SORCS3: variants seen among roughly 807,000 people sequenced by gnomAD.
SORCS3 encodes sortilin related VPS10 domain containing receptor 3, also known as VPS10 domain-containing receptor SorCS3.
In SORCS3, 57 loss-of-function variants were observed where a neutral mutation model predicts 146.3. The ratio of observed to expected loss-of-function variants is 0.39; its 90% CI spans 0.31 to 0.49. The LOEUF (loss-of-function observed/expected upper bound fraction) is 0.49, where lower values mean the gene tolerates loss of function less well. Ranked by LOEUF, SORCS3 falls within the 20% of genes least tolerant of loss-of-function variation. SORCS3 has a pLI of 0.92. For missense variants in SORCS3, 1,341 were observed against 1,575.5 expected (o/e 0.85, Z 2.52); for synonymous variants, 653 against 618.5 (o/e 1.06, Z -0.83).
At chr10:105,245,017 C>A (rs977136921) in intron 20 of SORCS3, among the ~76,000 whole-genome samples, 1 of 144,766 alleles carries the variant, frequency 6.9e-6, no homozygotes, top group Non-Finnish European at 1.5e-5. Context: ...TGCAGTGAGC[C>A]GAGATCGCAT....
chr10:104,860,757 A>G (rs2018392322), intron 2 of SORCS3, among the ~76,000 whole-genome samples: 1 of 152,106 alleles, frequency 6.6e-6, no homozygotes, highest in African/African-American at 2.4e-5. Flanking sequence ...ACAGCTGAAA[A>G]ACCTGAGGGG....
chr10:104,797,467 G>C (rs1000229987), intron 1 of SORCS3, among the ~76,000 whole-genome samples: 2 of 151,928 alleles, frequency 1.3e-5, no homozygotes, highest in African/African-American at 4.8e-5. Context: ...TTGCTGCTTG[G>C]AGAGTAGCAA....
chr10:104,678,188 A>C (rs77003712), intron 1 of SORCS3, among the ~76,000 whole-genome samples: 2 of 131,962 alleles, frequency 1.5e-5, no homozygotes, highest in East Asian at 3.9e-4. Flanking sequence ...CACATGGAAG[A>C]CATCTTTAGG....
chr10:105,218,939 T>G (rs1489028849), intron 19 of SORCS3, among the ~76,000 whole-genome samples: 2 of 152,018 alleles, frequency 1.3e-5, no homozygotes, highest in Admixed American at 1.3e-4. Context: ...CGCTTGAACC[T>G]GGGAGGCGGA....
intron 7 of SORCS3, among the ~76,000 whole-genome samples, chr10:105,113,188 C>G (rs1243844921): frequency 6.6e-6 from 1 of 152,148 alleles, no homozygotes; most frequent in African/African-American, 2.4e-5. Context: ...TTTTGCAGCC[C>G]TGTTGGCTGC....
intron 4 of SORCS3, among the ~76,000 whole-genome samples, chr10:105,016,784 T>C (rs1195590697): frequency 6.6e-6 from 1 of 152,102 alleles, no homozygotes; most frequent in Non-Finnish European, 1.5e-5. Context: ...CTGGCAGAGG[T>C]TGCATTATCT....
chr10:105,237,425 G>C (rs946475116), intron 20 of SORCS3, among the ~76,000 whole-genome samples: 4 of 152,194 alleles, frequency 2.6e-5, no homozygotes, highest in Admixed American at 2.6e-4. Flanking sequence ...AGTCACTGTT[G>C]TGCCCATCAT....
At chr10:104,800,791 TA>T (rs765216975) in intron 1 of SORCS3, among the ~76,000 whole-genome samples, 8 of 152,204 alleles carry the variant, frequency 5.3e-5, no homozygotes, top group Non-Finnish European at 7.3e-5. Context: ...CCAGGATTCC[TA>T]AACACATGGA....
intron 5 of SORCS3, among the ~76,000 whole-genome samples, chr10:105,089,184 G>T (rs1251640075): frequency 6.6e-6 from 1 of 152,288 alleles, no homozygotes; most frequent in East Asian, 1.9e-4. Context: ...CTCACCAGGA[G>T]AATTTTGTCC....
intron 4 of SORCS3, among the ~76,000 whole-genome samples, chr10:105,038,787 T>A (rs1233225740): frequency 6.6e-6 from 1 of 152,196 alleles, no homozygotes; most frequent in Non-Finnish European, 1.5e-5. Context: ...AAATTAATAA[T>A]GTCATGAGAA....
rs2016628517 is a variant in SORCS3 at position 104,726,094 on chromosome 10, G to A, written c.627+84140G>A. On this transcript the variant is annotated intron_variant, in intron 1 of 26. Coordinates refer to ENST00000369701, the MANE Select transcript of SORCS3 (RefSeq NM_014978.3). ...ACGCTGGGTGCTGTAGACTGGAGCTGTTCCTTTTCGGCCATCTTTGATCCA... is the reference window on the plus strand; with the variant it reads ...ACGCTGGGTGCTGTAGACTGGAGCTATTCCTTTTCGGCCATCTTTGATCCA... 2.6e-5 allele frequency among the ~76,000 whole-genome samples: 4 copies of A among 152,340 alleles called. No individual in the cohort carries two copies. The South Asian group carries it at 8.3e-4, about 32-fold the overall frequency.
Position 105,099,199 on chromosome 10 carries a change from A to G in SORCS3, c.1094-6198A>G, listed in dbSNP as rs192305209. Among the ~76,000 whole-genome samples, 245 of 152,330 alleles carry G rather than the reference A, an allele frequency of 1.6e-3. 1 individual carries two copies. The highest frequency in any genetic ancestry group is 0.014 in the Middle Eastern group (4 of 294). On this transcript the variant is annotated intron_variant, in intron 6 of 26. Transcript: ENST00000369701. ...TAAATAACTTTTTAGAGTTACCTTGAATCTGCTTGTTTTCACTTATTTTCA... is the reference window on the plus strand; with the variant it reads ...TAAATAACTTTTTAGAGTTACCTTGGATCTGCTTGTTTTCACTTATTTTCA...
At chr10:104,678,523 C>T (rs1266170958) in intron 1 of SORCS3, among the ~76,000 whole-genome samples, 1 of 152,142 alleles carries the variant, frequency 6.6e-6, no homozygotes, top group Non-Finnish European at 1.5e-5. Context: ...GTGAGTTAGA[C>T]TGGATGTGTC....
chr10:104,875,154 C>T (rs1483525286), intron 2 of SORCS3, among the ~76,000 whole-genome samples: 1 of 152,304 alleles, frequency 6.6e-6, no homozygotes, highest in Middle Eastern at 3.4e-3. Context: ...TCTACCTACT[C>T]ATTACTTTGC....
At chr10:105,249,617 C>A (rs999198098) in intron 22 of SORCS3, among the ~76,000 whole-genome samples, 5 of 152,122 alleles carry the variant, frequency 3.3e-5, no homozygotes, top group African/African-American at 4.8e-5. Context: ...AGCGGTGGCT[C>A]ATGCCTGTAA....
At chr10:105,099,904 T>C (rs2055771465) in intron 6 of SORCS3, among the ~76,000 whole-genome samples, 1 of 152,200 alleles carries the variant, frequency 6.6e-6, no homozygotes, top group Non-Finnish European at 1.5e-5. Context: ...GGCAAGAACC[T>C]GTCTGATGTT....
intron 16 of SORCS3, among the ~76,000 whole-genome samples, chr10:105,202,552 T>G (rs1057514798): frequency 3.9e-5 from 6 of 152,150 alleles, no homozygotes; most frequent in Admixed American, 3.9e-4. Context: ...TTTTATTATC[T>G]CCTTAGTATT....
chr10:104,902,453 C>G (rs897049572), intron 2 of SORCS3, among the ~76,000 whole-genome samples: 8 of 152,236 alleles, frequency 5.3e-5, no homozygotes, highest in African/African-American at 1.9e-4. Flanking sequence ...AGCCAAGGCC[C>G]TTGCAGGCTT....
At chr10:105,129,147 A>T (rs375668786) in intron 7 of SORCS3, among the ~76,000 whole-genome samples, 1 of 152,110 alleles carries the variant, frequency 6.6e-6, no homozygotes, top group Admixed American at 6.6e-5. Flanking sequence ...TAGTTTGAGT[A>T]TATTTCATTT....
Sources: gnomAD v4.1 joint callset for allele counts (sites outside exome capture counted in the v4.1 genomes callset) on GRCh38, gnomAD v4.1.1 for gene constraint, MANE v1.5 for transcripts, NCBI Gene and HGNC (gene_info 2026-07-23, HGNC 2026-07-21) for gene names.